Variants in CEP83 observed in about 807,000 individuals in gnomAD.
The protein encoded by CEP83 is centrosomal protein of 83 kDa.
A neutral mutation model predicts 101.9 loss-of-function variants in CEP83; 70 were observed. That is an observed-to-expected ratio of 0.69 (90% CI 0.57 to 0.84). CEP83 has a LOEUF of 0.84. Among genes scored for constraint, CEP83 ranks in the 40% least tolerant of loss-of-function variants. The pLI is 0.00. For synonymous variants in CEP83, 264 were observed against 267.9 expected (o/e 0.99, Z 0.14); for missense variants, 715 against 787.2 (o/e 0.91, Z 1.10).
chr12:94,303,712 T>TTAA, downstream of CEP83: 1 of 1,102,548 alleles, frequency 9.1e-7, no homozygotes, highest in Non-Finnish European at 1.2e-6. Flanking sequence ...TTTTTTTTTT[T>TTAA]ACTCTTTTGG....
In CEP83 at chr12:94,411,908, T is replaced by C. The variant is rs554186692; in HGVS notation, c.174-61A>G. On this transcript the variant is annotated intron_variant, in intron 3 of 16. Transcript: ENST00000397809. ...ATCCTTTCTTTCTAATTGCATTACT[T>C]TATGTAAAGTCAATCAACACCACAG... 203 of 1,337,772 alleles carry C rather than the reference T, an allele frequency of 1.5e-4. No individual in the cohort carries two copies. In the Middle Eastern group the frequency reaches 1.8e-3, roughly 12 times the overall value. The allele number at this position is 1,337,772 out of a possible 1,614,324, so 82.9% of individuals were successfully genotyped here.
At chr12:94,415,762 C>T (rs922468690) in intron 2 of CEP83, among the ~76,000 whole-genome samples, 4 of 151,952 alleles carry the variant, frequency 2.6e-5, no homozygotes, top group East Asian at 1.9e-4. Flanking sequence ...AGAATTTCAC[C>T]ACTATTCTTG....
intron 11 of CEP83, among the ~76,000 whole-genome samples, chr12:94,357,233 G>A (rs1274140254): frequency 1.3e-5 from 2 of 151,688 alleles, no homozygotes; most frequent in African/African-American, 2.4e-5. Flanking sequence ...TGATGGTATC[G>A]GAGGTAATCT....
Position 94,368,123 on chromosome 12 carries a change from A to G in CEP83, c.1127T>C (p.Leu376Ser). Residue 376 changes from leucine to serine, a missense_variant, in exon 10 of 17, where the codon TTA (leucine) becomes TCA (serine). Coordinates refer to ENST00000397809, the MANE Select transcript of CEP83 (RefSeq NM_016122.3). Reference sequence around the variant, plus strand: ...TTTGGCAGCTTGTACTTTACGTATTAATTCACGATCCTTTTCTACTAAGAG... The same window carrying G: ...TTTGGCAGCTTGTACTTTACGTATTGATTCACGATCCTTTTCTACTAAGAG... ...KVLLVEKDRE[L>S]IRKVQAAKEE... 1 of 1,613,150 alleles carries G rather than the reference A, an allele frequency of 6.2e-7. No individual in the cohort carries two copies. Among genetic ancestry groups the G allele is most frequent in the Non-Finnish European group, 8.5e-7 (1 of 1,179,346 alleles).
At chr12:94,432,358 G>A (rs2065699752) in intron 2 of CEP83, among the ~76,000 whole-genome samples, 3 of 151,960 alleles carry the variant, frequency 2.0e-5, no homozygotes, top group Non-Finnish European at 4.4e-5. Context: ...CACCACCCCT[G>A]GCCTGAACTG....
At chr12:94,319,383 T>C (rs1416224642) in intron 14 of CEP83, among the ~76,000 whole-genome samples, 1 of 152,174 alleles carries the variant, frequency 6.6e-6, no homozygotes, top group African/African-American at 2.4e-5. Flanking sequence ...TGGCTGTTCA[T>C]GTTTTGATCT....
chr12:94,418,664 A>C (rs2064478304), intron 2 of CEP83, among the ~76,000 whole-genome samples: 1 of 152,192 alleles, frequency 6.6e-6, no homozygotes, highest in African/African-American at 2.4e-5. Context: ...GGGAATGGGG[A>C]AATGGGAGTT....
At chr12:94,303,749 T>TCCCCC (rs67648319), downstream of CEP83, 1 of 1,328,474 alleles carries the variant, frequency 7.5e-7, no homozygotes, top group African/African-American at 1.6e-5. Context: ...TTTTTTTTTT[T>TCCCCC]CCCCAGGAAG....
At chr12:94,396,521 C>T (rs1215610176) in intron 6 of CEP83, among the ~76,000 whole-genome samples, 6 of 151,848 alleles carry the variant, frequency 4.0e-5, no homozygotes, top group Non-Finnish European at 5.9e-5. Context: ...ATCTCCTGAC[C>T]CCGTGATCCA....
intron 5 of CEP83, among the ~76,000 whole-genome samples, chr12:94,402,046 T>C (rs1478543717): frequency 6.6e-6 from 1 of 152,232 alleles, no homozygotes; most frequent in Non-Finnish European, 1.5e-5. Flanking sequence ...TAAGGTAACA[T>C]ATATAAAATG....
intron 1 of CEP83, among the ~76,000 whole-genome samples, chr12:94,452,296 A>G (rs906831684): frequency 3.9e-5 from 6 of 152,170 alleles, no homozygotes; most frequent in African/African-American, 1.4e-4. Context: ...GCTAAAAACC[A>G]TTAAATTGTA....
At chr12:94,426,539 G>C (rs370633293) in intron 2 of CEP83, among the ~76,000 whole-genome samples, 1 of 152,180 alleles carries the variant, frequency 6.6e-6, no homozygotes, top group African/African-American at 2.4e-5. Context: ...CCATTCTAAT[G>C]CTACTTTAGC....
chr12:94,308,717 A>C lies in CEP83; in HGVS notation c.*96T>G. 1.3e-6 allele frequency: 1 copy of C among 797,850 alleles called. No individual in the cohort carries two copies. The highest frequency in any genetic ancestry group is 2.1e-6 in the Non-Finnish European group (1 of 467,776). 49.4% of individuals were successfully genotyped at this position (797,850 alleles called of 1,614,324 possible). A position where few individuals can be genotyped will look rare whatever the true frequency, so the allele number is the denominator to read the frequency against. ...TTGAGGCACATTCAAGTGTTTTGGC[A>C]AACAGTAAAAAGTATCTAAATGCCA... On this transcript the variant is annotated 3_prime_UTR_variant, in exon 17 of 17. Coordinates refer to ENST00000397809, the MANE Select transcript of CEP83 (RefSeq NM_016122.3).
chr12:94,356,999 G>A lies in CEP83; in HGVS notation c.1343+10795C>T, dbSNP rs2060508063. On this transcript the variant is annotated intron_variant, in intron 11 of 16. Transcript: ENST00000397809. ...TTGGGGAAAAAAAATCACTTAATGT[G>A]GGGAACAATACCCTTCCTTTAGTGC... Among the ~76,000 whole-genome samples the A allele has an allele frequency of 3.9e-5, 6 of 152,128 alleles. No individual in the cohort carries two copies. In the South Asian group the frequency reaches 1.2e-3, roughly 32 times the overall value.
At position 94,445,507 on chromosome 12, in the gene CEP83, A is replaced by C. The variant is rs185237135; in HGVS notation, c.-154-10180T>G. 4.6e-3 allele frequency among the ~76,000 whole-genome samples: 705 copies of C among 152,360 alleles called. 1 individual carries two copies. The highest frequency in any genetic ancestry group is 7.2e-3 in the Non-Finnish European group (489 of 68,026). ...GGATTTCATCAAAATGAAGAACTTC[A>C]AAATCCACTACTCTTCAAAATCCAC... On this transcript the variant is annotated intron_variant, in intron 1 of 16. Transcript: ENST00000397809.
intron 6 of CEP83, among the ~76,000 whole-genome samples, chr12:94,397,073 C>A (rs2062947366): frequency 6.6e-6 from 1 of 152,200 alleles, no homozygotes; most frequent in Non-Finnish European, 1.5e-5. Flanking sequence ...AGTAATACTG[C>A]TCCTACATAA....
At chr12:94,387,782 C>T (rs1191832177) in intron 6 of CEP83, among the ~76,000 whole-genome samples, 4 of 152,022 alleles carry the variant, frequency 2.6e-5, no homozygotes, top group Non-Finnish European at 4.4e-5. Flanking sequence ...CATAAACAGA[C>T]ACTTCTCAAA....
chr12:94,351,320 T>C (rs940896670), intron 11 of CEP83, among the ~76,000 whole-genome samples: 8 of 152,092 alleles, frequency 5.3e-5, no homozygotes, highest in African/African-American at 1.9e-4. Flanking sequence ...TCCACATGGT[T>C]ACATTGCTCC....
At chr12:94,318,404 C>A (rs1971071183) in intron 14 of CEP83, among the ~76,000 whole-genome samples, 1 of 152,002 alleles carries the variant, frequency 6.6e-6, no homozygotes, top group Non-Finnish European at 1.5e-5. Flanking sequence ...CCCTTTATTT[C>A]TTTCTTTCTC....
Sources: allele counts gnomAD v4.1 joint callset (sites outside exome capture counted in the v4.1 genomes callset), GRCh38; gene constraint gnomAD v4.1.1; transcripts MANE v1.5; gene names NCBI Gene and HGNC (gene_info 2026-07-23, HGNC 2026-07-21).